The following ANKS1B variants were observed in gnomAD, a reference collection of about 807,000 sequenced individuals.
The protein encoded by ANKS1B is ankyrin repeat and sterile alpha motif domain containing 1B, also known as ankyrin repeat and sterile alpha motif domain-containing protein 1B.
In ANKS1B, 36 loss-of-function variants were observed where a neutral mutation model predicts 148.3. The ratio of observed to expected loss-of-function variants is 0.24; its 90% CI spans 0.19 to 0.32. The LOEUF is 0.32. Among genes scored for constraint, ANKS1B ranks in the 10% least tolerant of loss-of-function variants. The pLI is 1.00. For missense variants in ANKS1B, 1,157 were observed against 1,542.6 expected, an observed-to-expected ratio of 0.75 and a Z score of 4.19; for synonymous variants, 542 against 560.8, an observed-to-expected ratio of 0.97 and a Z score of 0.47.
At position 99,984,248 on chromosome 12, in the gene ANKS1B, C is replaced by T; in HGVS notation, c.-11G>A. 1.9e-6 allele frequency: 3 copies of T among 1,611,260 alleles called. No individual in the cohort carries two copies. The highest frequency in any genetic ancestry group is 1.7e-6 in the Non-Finnish European group (2 of 1,178,502). ...CTGGTCCTTCCCCATAGTCTCTCAC[C>T]GACTCCCCCACAGAGTCCTTGCCCC... On this transcript the variant is annotated 5_prime_UTR_variant, in exon 1 of 27. Transcript: ENST00000683438.
chr12:98,961,318 G>A (rs893962816), intron 17 of ANKS1B, among the ~76,000 whole-genome samples: 1 of 152,180 alleles, frequency 6.6e-6, no homozygotes, highest in Admixed American at 6.5e-5. Flanking sequence ...CAGGCCAGGA[G>A]AAACTGGCAT....
At chr12:99,292,528 C>T (rs1378876746) in intron 12 of ANKS1B, among the ~76,000 whole-genome samples, 6 of 140,716 alleles carry the variant, frequency 4.3e-5, no homozygotes, top group Admixed American at 6.9e-5. Context: ...AAAAAAAAAA[C>T]GAAACAAAAC....
At position 99,074,243 on chromosome 12, in the gene ANKS1B, C is replaced by A. The variant is rs117712429; in HGVS notation, c.2625+10682G>T. On this transcript the variant is annotated intron_variant, in intron 16 of 26. Coordinates refer to ENST00000683438, the MANE Select transcript of ANKS1B (RefSeq NM_001352186.2). Reference sequence around the variant, plus strand: ...TTCCTGCCTAATTCCTTCCCTATTTCTCTGTAAATATCAGAAGGAGATTAG... The same window carrying A: ...TTCCTGCCTAATTCCTTCCCTATTTATCTGTAAATATCAGAAGGAGATTAG... Among the ~76,000 whole-genome samples the A allele has an allele frequency of 4.0e-3, 608 of 151,806 alleles. 23 individuals carry two copies. The East Asian group carries it at 0.084, about 21-fold the overall frequency.
rs2096687242 is a variant in ANKS1B at position 99,504,498 on chromosome 12, T to G, written c.1416A>C (p.Ala472=). 1 of 1,612,184 alleles carries G rather than the reference T, an allele frequency of 6.2e-7. No individual in the cohort carries two copies. Among genetic ancestry groups the G allele is most frequent in the Non-Finnish European group, 8.5e-7 (1 of 1,179,340 alleles). ...TACCAGTTCTTGGGGAAGGTGCCCT[T>G]GCAATTTCTAAGGAGCAAGGTTTCT... ...VTKKPCSLEI[A]RAPSPRTDNA... is the part of the protein sequence containing the mutation. Residue 472 remains alanine (A), a synonymous_variant, in exon 10 of 27, where the codon GCA becomes GCC. Coordinates refer to ENST00000683438, the MANE Select transcript of ANKS1B (RefSeq NM_001352186.2).
At chr12:99,280,962 C>A (rs1377690693) in intron 12 of ANKS1B, among the ~76,000 whole-genome samples, 2 of 151,604 alleles carry the variant, frequency 1.3e-5, no homozygotes, top group South Asian at 2.1e-4. Context: ...CTCTCTCTCG[C>A]TATTGGTTCT....
intron 8 of ANKS1B, among the ~76,000 whole-genome samples, chr12:99,694,996 C>T (rs1322119559): frequency 1.3e-5 from 2 of 152,112 alleles, no homozygotes; most frequent in Admixed American, 6.6e-5. Flanking sequence ...ACTTAGAAAG[C>T]TCTGAAATTA....
chr12:98,955,298 T>G, intron 17 of ANKS1B, among the ~76,000 whole-genome samples: 1 of 152,130 alleles, frequency 6.6e-6, no homozygotes, highest in East Asian at 1.9e-4. Flanking sequence ...ATTATGTAGC[T>G]ATCTGAGGGA....
At chr12:99,000,358 C>T (rs541713680) in intron 17 of ANKS1B, among the ~76,000 whole-genome samples, 15 of 151,106 alleles carry the variant, frequency 9.9e-5, no homozygotes, top group African/African-American at 2.4e-4. Flanking sequence ...CAACCTCTCC[C>T]TCCGGGTTCA....
chr12:99,887,442 G>T (rs985558758), intron 1 of ANKS1B, among the ~76,000 whole-genome samples: 4 of 152,268 alleles, frequency 2.6e-5, no homozygotes, highest in African/African-American at 9.6e-5. Context: ...ACGTTTCAAA[G>T]TGTAGTTACT....
chr12:99,523,557 T>TA (rs1264889009), intron 9 of ANKS1B, among the ~76,000 whole-genome samples: 1 of 148,408 alleles, frequency 6.7e-6, no homozygotes, highest in African/African-American at 2.5e-5. Flanking sequence ...TCTTCTTTTT[T>TA]TTTTTTTTTT....
intron 11 of ANKS1B, among the ~76,000 whole-genome samples, chr12:99,428,409 A>G (rs531329958): frequency 7.2e-5 from 11 of 152,326 alleles, no homozygotes; most frequent in Middle Eastern, 3.4e-3. Flanking sequence ...ACATTTGGAG[A>G]TGACCCTAAA....
At chr12:99,505,417 A>C (rs1458412413) in intron 9 of ANKS1B, among the ~76,000 whole-genome samples, 3 of 151,936 alleles carry the variant, frequency 2.0e-5, no homozygotes, top group Non-Finnish European at 2.9e-5. Context: ...CTTTCCTTGT[A>C]AATACCATTA....
intron 12 of ANKS1B, among the ~76,000 whole-genome samples, chr12:99,394,524 AC>A (rs34105282): frequency 2.8e-5 from 4 of 143,952 alleles, no homozygotes; most frequent in Non-Finnish European, 6.1e-5. Flanking sequence ...GTCAGCAGTG[AC>A]CCCCCCACCC....
intron 11 of ANKS1B, among the ~76,000 whole-genome samples, chr12:99,441,821 A>G (rs1288836998): frequency 1.3e-5 from 2 of 151,954 alleles, no homozygotes; most frequent in African/African-American, 4.8e-5. Context: ...GATTTCTTCA[A>G]AGATAACCAG....
At chr12:99,864,967 A>G (rs1018150211) in intron 1 of ANKS1B, among the ~76,000 whole-genome samples, 9 of 152,202 alleles carry the variant, frequency 5.9e-5, no homozygotes, top group African/African-American at 2.2e-4. Flanking sequence ...GTGACCTCAC[A>G]GTTTATGCCT....
rs531018513 is a variant in ANKS1B at position 98,813,083 on chromosome 12, A to G, written c.3067-5165T>C. On this transcript the variant is annotated intron_variant, in intron 19 of 26. Coordinates refer to ENST00000683438, the MANE Select transcript of ANKS1B (RefSeq NM_001352186.2). ...GTAGAAATTAATTATGTTTATGAAA[A>G]TAACATTTCAGGGTAAAACATGTAT... 5.3e-5 allele frequency among the ~76,000 whole-genome samples: 8 copies of G among 152,372 alleles called. No individual in the cohort carries two copies. The East Asian group carries it at 1.5e-3, about 29-fold the overall frequency.
chr12:98,932,030 A>AC (rs2099814122), intron 17 of ANKS1B, among the ~76,000 whole-genome samples: 1 of 151,960 alleles, frequency 6.6e-6, no homozygotes, highest in Non-Finnish European at 1.5e-5. Context: ...AAACCTACCA[A>AC]CCTCGGTCTT....
At chr12:99,155,546 T>G (rs1378443508) in intron 14 of ANKS1B, among the ~76,000 whole-genome samples, 1 of 152,184 alleles carries the variant, frequency 6.6e-6, no homozygotes, top group Non-Finnish European at 1.5e-5. Context: ...ATAGATTTTT[T>G]TTTTAATAAA....
chr12:99,691,948 A>G (rs762751528), intron 8 of ANKS1B, among the ~76,000 whole-genome samples: 1 of 152,246 alleles, frequency 6.6e-6, no homozygotes, highest in Non-Finnish European at 1.5e-5. Flanking sequence ...TTTAAGAGGC[A>G]AGAACAACAA....
Sources: gnomAD v4.1 joint callset for allele counts (sites outside exome capture counted in the v4.1 genomes callset) on GRCh38, gnomAD v4.1.1 for gene constraint, MANE v1.5 for transcripts, NCBI Gene and HGNC (gene_info 2026-07-23, HGNC 2026-07-21) for gene names.